Variants in STK38 observed in about 807,000 individuals in gnomAD.
STK38 encodes serine/threonine kinase 38, also known as serine/threonine-protein kinase 38.
Under a neutral mutation model 59.0 loss-of-function variants are expected in STK38, and 26 were observed. The observed-to-expected ratio is 0.44, with a 90% CI of 0.32 to 0.61. The LOEUF (loss-of-function observed/expected upper bound fraction) is 0.61. Ranked by LOEUF, STK38 falls within the 20% of genes least tolerant of loss-of-function variation. The pLI, the probability that STK38 is intolerant of heterozygous loss-of-function variation, is 0.04. For synonymous variants in STK38, 175 were observed against 176.6 expected (o/e 0.99, Z 0.07); for missense variants, 433 against 566.0 (o/e 0.76, Z 2.38).
At chr6:36,540,611 A>G (rs886112324) in intron 1 of STK38, among the ~76,000 whole-genome samples, 3 of 152,190 alleles carry the variant, frequency 2.0e-5, no homozygotes, top group African/African-American at 4.8e-5. Flanking sequence ...CTGTACCTGT[A>G]AGTCACACAA....
At chr6:36,543,834 A>G (rs1778000576) in intron 1 of STK38, among the ~76,000 whole-genome samples, 1 of 152,004 alleles carries the variant, frequency 6.6e-6, no homozygotes, top group South Asian at 2.1e-4. Flanking sequence ...GGGTTTCACT[A>G]TGTTGGCCAG....
chr6:36,531,017 A>G (rs1777655709), intron 2 of STK38, among the ~76,000 whole-genome samples: 1 of 152,188 alleles, frequency 6.6e-6, no homozygotes. Flanking sequence ...AACACTACAC[A>G]GATTCTTTAA....
chr6:36,546,955 G>A (rs1778065460), intron 1 of STK38, among the ~76,000 whole-genome samples: 1 of 152,194 alleles, frequency 6.6e-6, no homozygotes, highest in African/African-American at 2.4e-5. Context: ...AAAGGATGGG[G>A]TGGAAAGGCT....
intron 4 of STK38, chr6:36,522,058 T>C (rs1275676986): frequency 3.2e-6 from 1 of 314,602 alleles, no homozygotes; most frequent in Non-Finnish European, 5.8e-6. Flanking sequence ...GGTTCCTTAG[T>C]TGAACAAGCC....
At position 36,547,424 on chromosome 6, in the gene STK38, C is replaced by G. The variant is rs1439937557; in HGVS notation, c.-240G>C. The G allele has an allele frequency of 6.6e-6, 1 of 152,264 alleles. No homozygotes were observed. The highest frequency in any genetic ancestry group is 2.4e-5 in the African/African-American group (1 of 41,444). 9.4% of individuals were successfully genotyped at this position (152,264 alleles called of 1,614,324 possible). A position where few individuals can be genotyped will look rare whatever the true frequency, so the allele number is the denominator to read the frequency against. On this transcript the variant is annotated 5_prime_UTR_variant, in exon 1 of 14. Transcript: ENST00000229812. ...CGAGCGCTGAGGGGCCAAGGCAGCC[C>G]GGTCCCCCGCCGCGGAGACGGGCTG...
chr6:36,520,378 T>C (rs1582434827), intron 5 of STK38, among the ~76,000 whole-genome samples: 1 of 152,226 alleles, frequency 6.6e-6, no homozygotes, highest in Non-Finnish European at 1.5e-5. Context: ...TTAGAAACCA[T>C]GCGGGGCACC....
chr6:36,531,983 A>G (rs759406042), intron 2 of STK38, among the ~76,000 whole-genome samples: 5 of 152,186 alleles, frequency 3.3e-5, no homozygotes, highest in African/African-American at 4.8e-5. Context: ...ACACAAAATA[A>G]AAAAAATGAA....
At chr6:36,515,523 C>A (rs767259100) in intron 6 of STK38, 31 bp from the exon 7 acceptor site, 8 of 1,167,384 alleles carry the variant, frequency 6.9e-6, no homozygotes, top group Non-Finnish European at 6.9e-6. Context: ...AGCCACCACA[C>A]ACACACACAC....
chr6:36,500,771 A>AG (rs1006625341), intron 9 of STK38, among the ~76,000 whole-genome samples: 1 of 151,440 alleles, frequency 6.6e-6, no homozygotes, highest in African/African-American at 2.4e-5. Context: ...AAAAAAAAAA[A>AG]AAAAAAAATA....
chr6:36,520,599 T>C (rs1332780327), intron 5 of STK38, among the ~76,000 whole-genome samples: 1 of 152,228 alleles, frequency 6.6e-6, no homozygotes, highest in African/African-American at 2.4e-5. Flanking sequence ...TGAAACTTTT[T>C]CAGTGCCTAC....
At chr6:36,496,682 G>A (rs1378002577) in intron 13 of STK38, 29 bp downstream of exon 13, 1 of 1,523,518 alleles carries the variant, frequency 6.6e-7, no homozygotes, top group Non-Finnish European at 9.1e-7. Flanking sequence ...TGCTTATAAG[G>A]CAGCAGGAGA....
intron 6 of STK38, 152 bp from the exon 7 acceptor site, chr6:36,515,644 T>G: frequency 1.5e-6 from 2 of 1,344,542 alleles, no homozygotes; most frequent in Non-Finnish European, 2.0e-6. Context: ...GTGCCAGAGA[T>G]AGACCCACAT....
chr6:36,540,124 G>A lies in STK38; in HGVS notation c.79C>T (p.Leu27=). ...KERVTMTKVT[L]ENFYSNLIAQ... ...ATAAGGTTGCTATAAAAATTCTCCA[G>A]TGTCACTTTGGTCATTGTCACCCTT... Residue 27 remains leucine (L), a synonymous_variant, in exon 2 of 14, where the codon CTG becomes TTG. Transcript: ENST00000229812. The A allele has an allele frequency of 1.2e-6, 2 of 1,614,048 alleles. No individual in the cohort carries two copies. Among genetic ancestry groups the A allele is most frequent in the Non-Finnish European group, 1.7e-6 (2 of 1,179,990 alleles).
rs757019421 is a variant in STK38, at chr6:36,515,330, C to T, written c.669+8G>A. ...CGTGCATAGTTCATGCCAATGCCCCCCCAATACCTTGCTGTCCAAAAGAAG... is the reference window on the plus strand; with the variant it reads ...CGTGCATAGTTCATGCCAATGCCCCTCCAATACCTTGCTGTCCAAAAGAAG... On this transcript the variant is annotated splice_region_variant and intron_variant, in intron 7 of 13. Coordinates refer to ENST00000229812, the MANE Select transcript of STK38 (RefSeq NM_007271.4). The T allele has an allele frequency of 6.2e-7, 1 of 1,613,642 alleles. No homozygotes were observed. The highest frequency in any genetic ancestry group is 2.2e-5 in the East Asian group (1 of 44,880).
chr6:36,526,913 G>T (rs546925047), intron 2 of STK38, among the ~76,000 whole-genome samples: 24 of 148,198 alleles, frequency 1.6e-4, no homozygotes, highest in Admixed American at 1.1e-3. Context: ...AAACAAAAAG[G>T]CCGGGCGTGG....
intron 5 of STK38, among the ~76,000 whole-genome samples, chr6:36,520,733 A>G (rs1777358815): frequency 6.6e-6 from 1 of 152,054 alleles, no homozygotes; most frequent in Non-Finnish European, 1.5e-5. Context: ...GGTATTTGAT[A>G]CTCCCAACTG....
intron 2 of STK38, among the ~76,000 whole-genome samples, chr6:36,527,556 G>GAA (rs72170586): frequency 4.8e-5 from 7 of 145,606 alleles, no homozygotes; most frequent in Non-Finnish European, 3.0e-5. Flanking sequence ...CTGCCTCAAA[G>GAA]AAAAAAAAAA....
chr6:36,509,209 G>A (rs1777042456), intron 7 of STK38, among the ~76,000 whole-genome samples: 2 of 152,228 alleles, frequency 1.3e-5, no homozygotes, highest in Admixed American at 1.3e-4. Flanking sequence ...ACAAGGTGAA[G>A]AGGAGCTTTA....
intron 5 of STK38, among the ~76,000 whole-genome samples, chr6:36,518,259 G>C (rs1777301100): frequency 6.6e-6 from 1 of 152,136 alleles, no homozygotes; most frequent in Admixed American, 6.5e-5. Context: ...CAACAACAGT[G>C]AGCTCACTGA....
Sources: allele counts gnomAD v4.1 joint callset (sites outside exome capture counted in the v4.1 genomes callset), GRCh38; gene constraint gnomAD v4.1.1; transcripts MANE v1.5; gene names NCBI Gene and HGNC (gene_info 2026-07-23, HGNC 2026-07-21).